Variants in TOX2 observed in about 807,000 individuals in gnomAD.
TOX2 encodes the protein granulosa cell HMG box 1.
In TOX2, 15 loss-of-function variants were observed where a neutral mutation model predicts 47.4. The ratio of observed to expected loss-of-function variants is 0.32; its 90% CI spans 0.21 to 0.49. The LOEUF (loss-of-function observed/expected upper bound fraction) is 0.49. TOX2 is among the 20% of genes least tolerant of loss of function. The pLI is 0.99. For synonymous variants in TOX2, 290 were observed against 296.6 expected, an observed-to-expected ratio of 0.98 and a Z score of 0.23; for missense variants, 622 against 673.1, an observed-to-expected ratio of 0.92 and a Z score of 0.84.
At chr20:43,927,634 T>TCTTCC (rs2069190139) in intron 1 of TOX2, among the ~76,000 whole-genome samples, 2 of 129,914 alleles carry the variant, frequency 1.5e-5, no homozygotes, top group African/African-American at 6.3e-5. Context: ...CCTCCTTCCT[T>TCTTCC]CCTTCCTCCC....
intron 1 of TOX2, among the ~76,000 whole-genome samples, chr20:43,951,705 A>ATTTTTTTTTTTTTTTTTTTTT (rs1212223106): frequency 7.9e-4 from 24 of 30,366 alleles, no homozygotes; most frequent in Non-Finnish European, 1.3e-3. Context: ...TAAACTTATT[A>ATTTTTTTTTTTTTTTTTTTTT]TGTTTTTTTT....
At chr20:43,950,525 T>C (rs997178670) in intron 1 of TOX2, among the ~76,000 whole-genome samples, 4 of 151,918 alleles carry the variant, frequency 2.6e-5, no homozygotes, top group Non-Finnish European at 5.9e-5. Flanking sequence ...GCTGGTCTCT[T>C]TGCTGACCGA....
At chr20:44,038,796 T>C (rs956720429) in intron 3 of TOX2, among the ~76,000 whole-genome samples, 1 of 152,326 alleles carries the variant, frequency 6.6e-6, no homozygotes, top group South Asian at 2.1e-4. Flanking sequence ...CTCTCCTCAC[T>C]GTGTGGGGTT....
intron 1 of TOX2, among the ~76,000 whole-genome samples, chr20:43,944,696 G>A (rs531433943): frequency 6.6e-6 from 1 of 152,230 alleles, no homozygotes; most frequent in Non-Finnish European, 1.5e-5. Context: ...AGCGCTTCCT[G>A]CTTAGTCTGG....
intron 1 of TOX2, among the ~76,000 whole-genome samples, chr20:43,928,809 G>T (rs573580791): frequency 9.2e-5 from 14 of 152,116 alleles, no homozygotes; most frequent in African/African-American, 3.1e-4. Flanking sequence ...TTTATGATGC[G>T]TAAATTGGAT....
At chr20:43,957,408 G>T (rs1244934565) in intron 1 of TOX2, among the ~76,000 whole-genome samples, 1 of 152,210 alleles carries the variant, frequency 6.6e-6, no homozygotes, top group Admixed American at 6.5e-5. Context: ...TTTTGGCTTT[G>T]CCACTTTCTG....
chr20:44,005,942 A>G (rs553690569), intron 2 of TOX2, among the ~76,000 whole-genome samples: 9 of 148,930 alleles, frequency 6.0e-5, no homozygotes, highest in African/African-American at 2.0e-4. Context: ...GCGAGGTGGG[A>G]AAAAAAAAAC....
intron 2 of TOX2, among the ~76,000 whole-genome samples, chr20:43,995,639 A>G (rs1197606236): frequency 2.0e-5 from 3 of 152,166 alleles, no homozygotes; most frequent in African/African-American, 7.2e-5. Flanking sequence ...AGTACCCATT[A>G]GTTATTTTTT....
chr20:43,995,730 T>G (rs553373392), intron 2 of TOX2, among the ~76,000 whole-genome samples: 1 of 152,358 alleles, frequency 6.6e-6, no homozygotes, highest in Admixed American at 6.5e-5. Context: ...TTCTTATCAC[T>G]TAGCTCTCAC....
At chr20:44,008,015 A>G (rs1481447575) in intron 3 of TOX2, among the ~76,000 whole-genome samples, 1 of 152,184 alleles carries the variant, frequency 6.6e-6, no homozygotes, top group Non-Finnish European at 1.5e-5. Flanking sequence ...GTTAAAGTTC[A>G]TGGGATAGGT....
intron 1 of TOX2, among the ~76,000 whole-genome samples, chr20:43,923,878 G>T (rs951697822): frequency 6.6e-6 from 1 of 152,232 alleles, no homozygotes; most frequent in African/African-American, 2.4e-5. Context: ...GGCCTGGCCT[G>T]ACCTGTGGTT....
Position 43,952,804 on chromosome 20 carries a change from CT to C in TOX2, c.100-20561del, listed in dbSNP as rs746950029. ...CAGACTGAGACACAGTTAGTCGGTACTTACGGGACTCACTGTGGGTGGCTGA... is the reference window on the plus strand; with the variant it reads ...CAGACTGAGACACAGTTAGTCGGTACTACGGGACTCACTGTGGGTGGCTGA... On this transcript the variant is annotated intron_variant, in intron 1 of 8. Coordinates refer to ENST00000341197, the MANE Select transcript of TOX2 (RefSeq NM_001098797.2). Among the ~76,000 whole-genome samples the C allele has an allele frequency of 1.5e-4, 23 of 152,282 alleles. 1 individual carries two copies. Among genetic ancestry groups the C allele is most frequent in the Middle Eastern group, 3.4e-3 (1 of 292 alleles).
intron 3 of TOX2, among the ~76,000 whole-genome samples, chr20:44,032,230 G>C (rs985188378): frequency 1.3e-5 from 2 of 152,184 alleles, no homozygotes; most frequent in Admixed American, 1.3e-4. Context: ...ATTCCATGCA[G>C]AGGCAGTAGC....
At chr20:44,068,621 G>A (rs773247830) in intron 8 of TOX2, 29 bp from the exon 9 acceptor site, 1 of 1,603,300 alleles carries the variant, frequency 6.2e-7, no homozygotes, top group African/African-American at 1.3e-5. Flanking sequence ...GTACCCAACA[G>A]CTTTGACAGC....
chr20:43,927,627 CCT>C, intron 1 of TOX2, among the ~76,000 whole-genome samples: 1 of 105,572 alleles, frequency 9.5e-6, no homozygotes, highest in Non-Finnish European at 1.9e-5. Flanking sequence ...CTTCCTTCCT[CCT>C]TCCTTCCTTC....
At chr20:44,053,617 C>T (rs1251159258) in intron 4 of TOX2, among the ~76,000 whole-genome samples, 4 of 147,944 alleles carry the variant, frequency 2.7e-5, no homozygotes, top group Admixed American at 6.7e-5. Flanking sequence ...TACATATACA[C>T]ACACACACAC....
chr20:43,917,196 T>C (rs4994685), intron 1 of TOX2, among the ~76,000 whole-genome samples: 62,755 of 151,934 alleles, frequency 0.41, 13,205 homozygotes, highest in East Asian at 0.47. Flanking sequence ...GGTCACTGTA[T>C]TCATTTAGGG....
At chr20:44,024,047 A>G (rs889962084) in intron 3 of TOX2, among the ~76,000 whole-genome samples, 3 of 152,252 alleles carry the variant, frequency 2.0e-5, no homozygotes, top group Non-Finnish European at 4.4e-5. Context: ...TATCTTTATA[A>G]GATGACTATT....
intron 1 of TOX2, among the ~76,000 whole-genome samples, chr20:43,963,053 C>T: frequency 6.6e-6 from 1 of 152,048 alleles, no homozygotes; most frequent in Non-Finnish European, 1.5e-5. Flanking sequence ...TATACTTACC[C>T]ACATCTCAGT....
Sources: gnomAD v4.1 joint callset for allele counts (sites outside exome capture counted in the v4.1 genomes callset) on GRCh38, gnomAD v4.1.1 for gene constraint, MANE v1.5 for transcripts, NCBI Gene and HGNC (gene_info 2026-07-23, HGNC 2026-07-21) for gene names.